The following R3HDM2 variants were observed in gnomAD, a reference collection of about 807,000 sequenced individuals.
R3HDM2 encodes R3H domain containing 2, also known as R3H domain-containing protein 2.
Under a neutral mutation model 124.5 loss-of-function variants are expected in R3HDM2, and 38 were observed. The observed-to-expected ratio is 0.31, with a 90% CI of 0.24 to 0.40. The LOEUF (loss-of-function observed/expected upper bound fraction) is 0.40. Among genes scored for constraint, R3HDM2 ranks in the 10% least tolerant of loss-of-function variants. The probability of loss-of-function intolerance (pLI) is 1.00; values close to 1 mark genes in which losing one functional copy is unlikely to be tolerated. For missense variants in R3HDM2, 869 were observed against 1,236.9 expected (o/e 0.70, Z 4.46); for synonymous variants, 391 against 448.0 (o/e 0.87, Z 1.61).
intron 2 of R3HDM2, among the ~76,000 whole-genome samples, chr12:57,389,234 C>G (rs182958061): frequency 7.9e-5 from 12 of 152,282 alleles, no homozygotes; most frequent in Non-Finnish European, 1.5e-4. Flanking sequence ...ACTGAGTAAC[C>G]ACTTGCAAAG....
At chr12:57,306,220 A>G (rs888971748) in intron 3 of R3HDM2, among the ~76,000 whole-genome samples, 2 of 152,230 alleles carry the variant, frequency 1.3e-5, no homozygotes, top group Non-Finnish European at 2.9e-5. Flanking sequence ...GCAAGAGACT[A>G]GGTCACAATA....
At chr12:57,386,673 C>A (rs1251158426) in intron 2 of R3HDM2, among the ~76,000 whole-genome samples, 1 of 152,256 alleles carries the variant, frequency 6.6e-6, no homozygotes, top group African/African-American at 2.4e-5. Flanking sequence ...GCAGGACTCG[C>A]AGGCAGCTCC....
chr12:57,329,594 G>A (rs887306100), intron 2 of R3HDM2, among the ~76,000 whole-genome samples: 2 of 152,134 alleles, frequency 1.3e-5, no homozygotes, highest in African/African-American at 2.4e-5. Flanking sequence ...TTTCCTTGCT[G>A]CTTACTGGTA....
intron 1 of R3HDM2, among the ~76,000 whole-genome samples, chr12:57,421,828 G>T (rs1461738515): frequency 6.6e-6 from 1 of 152,040 alleles, no homozygotes; most frequent in Non-Finnish European, 1.5e-5. Flanking sequence ...ATCTCATGGT[G>T]GCTCATGCCT....
intron 1 of R3HDM2, among the ~76,000 whole-genome samples, chr12:57,419,787 G>C (rs934361412): frequency 6.6e-6 from 1 of 151,872 alleles, no homozygotes; most frequent in Non-Finnish European, 1.5e-5. Flanking sequence ...CCAGGCTATT[G>C]TATCTGCTTG....
At chr12:57,270,318 G>A (rs971657914) in intron 14 of R3HDM2, among the ~76,000 whole-genome samples, 1 of 152,174 alleles carries the variant, frequency 6.6e-6, no homozygotes, top group Non-Finnish European at 1.5e-5. Flanking sequence ...CGCCTCCCAG[G>A]TTTAAGCAAT....
intron 1 of R3HDM2, among the ~76,000 whole-genome samples, chr12:57,412,026 T>C (rs1472070104): frequency 6.6e-6 from 1 of 152,200 alleles, no homozygotes; most frequent in Admixed American, 6.5e-5. Context: ...ATGCCTGCTT[T>C]TTCTTCCACC....
intron 2 of R3HDM2, among the ~76,000 whole-genome samples, chr12:57,334,838 C>T (rs2058657452): frequency 6.6e-6 from 1 of 151,896 alleles, no homozygotes; most frequent in Non-Finnish European, 1.5e-5. Context: ...GAGCTAAAGA[C>T]TTTAGTTTAG....
intron 2 of R3HDM2, among the ~76,000 whole-genome samples, chr12:57,322,875 C>T (rs1198030894): frequency 6.6e-6 from 1 of 152,054 alleles, no homozygotes; most frequent in African/African-American, 2.4e-5. Context: ...GGAAGGGTGC[C>T]TAGATCTGAG....
chr12:57,377,824 A>C (rs1488420133), intron 2 of R3HDM2, among the ~76,000 whole-genome samples: 4 of 152,144 alleles, frequency 2.6e-5, no homozygotes, highest in Non-Finnish European at 1.5e-5. Context: ...GCAGTGGCTC[A>C]CACCTGTAAT....
At chr12:57,299,298 T>A in intron 6 of R3HDM2, 54 bp downstream of exon 6, 3 of 1,492,414 alleles carry the variant, frequency 2.0e-6, no homozygotes, top group Non-Finnish European at 2.7e-6. Context: ...GGCTTCAGGA[T>A]AAAAGTAAAG....
intron 2 of R3HDM2, among the ~76,000 whole-genome samples, chr12:57,311,381 ACGCT>A (rs1480518484): frequency 8.1e-5 from 10 of 123,514 alleles, no homozygotes; most frequent in Non-Finnish European, 2.0e-4. Flanking sequence ...GCCCGCCACC[ACGCT>A]CAGCTAATTT....
chr12:57,299,463 G>A lies in R3HDM2; in HGVS notation c.310C>T (p.His104Tyr), dbSNP rs781001713. Residue 104 changes from histidine (H) to tyrosine (Y), a missense_variant, in exon 6 of 24, where the codon CAC becomes TAC. Physicochemically the swap from His to Tyr is moderately conservative, Grantham distance 83. Transcript: ENST00000402412. ...TCCTTGTCAGAAGGGCAACTGATGT[G>A]CAATTGAATTATATCCTTAAGGGGA... ...PLETQDIIQL[H>Y]ISCPSDKEEE... 2.5e-5 allele frequency: 38 copies of A among 1,546,442 alleles called. No homozygotes were observed. The South Asian group carries it at 4.4e-4, about 18-fold the overall frequency.
chr12:57,256,431 T>C lies in R3HDM2; in HGVS notation c.2530A>G (p.Thr844Ala), dbSNP rs142231354. 8.8e-6 allele frequency: 14 copies of C among 1,593,314 alleles called. No homozygotes were observed. Among genetic ancestry groups the C allele is most frequent in the African/African-American group, 4.0e-5 (3 of 74,506 alleles). Residue 844 changes from threonine to alanine, a missense_variant, in exon 22 of 24, where the codon ACT becomes GCT. Physicochemically the swap from Thr to Ala is moderately conservative, Grantham distance 58. Transcript: ENST00000402412. ...ACCCTTACCTGGTGCACCGTGTAAGTTGACTGGCCATGGAGCAAGGGAGGG... is the reference window on the plus strand; with the variant it reads ...ACCCTTACCTGGTGCACCGTGTAAGCTGACTGGCCATGGAGCAAGGGAGGG... Reference protein sequence around the residue: ...ICPPLLHGQSTYTVHQGQSGL... With the variant: ...ICPPLLHGQSAYTVHQGQSGL...
At chr12:57,297,491 G>A (rs923888547) in intron 7 of R3HDM2, 104 bp from the exon 8 acceptor site, 1 of 671,806 alleles carries the variant, frequency 1.5e-6, no homozygotes, top group Non-Finnish European at 2.5e-6. Flanking sequence ...TACAGAAGCT[G>A]AAAAAGGTAT....
intron 2 of R3HDM2, among the ~76,000 whole-genome samples, chr12:57,331,138 C>G (rs890328788): frequency 6.6e-6 from 1 of 152,138 alleles, no homozygotes; most frequent in Admixed American, 6.5e-5. Context: ...GGAATGACTG[C>G]AACATCCCTC....
intron 4 of R3HDM2, among the ~76,000 whole-genome samples, chr12:57,301,202 C>T (rs1026951703): frequency 6.6e-6 from 1 of 152,120 alleles, no homozygotes; most frequent in Admixed American, 6.5e-5. Context: ...CCTAATCTGC[C>T]CGCTTTACTT....
chr12:57,323,730 G>C (rs2056833576), intron 2 of R3HDM2, among the ~76,000 whole-genome samples: 2 of 152,148 alleles, frequency 1.3e-5, no homozygotes, highest in African/African-American at 4.8e-5. Context: ...TTTGATCAAT[G>C]GACTGAAGTG....
intron 19 of R3HDM2, among the ~76,000 whole-genome samples, chr12:57,263,868 C>T (rs2041537156): frequency 6.6e-6 from 1 of 152,070 alleles, no homozygotes; most frequent in African/African-American, 2.4e-5. Context: ...TAGTGACGTA[C>T]AAAAAATCTT....
Sources: gnomAD v4.1 joint callset for allele counts (sites outside exome capture counted in the v4.1 genomes callset) on GRCh38, gnomAD v4.1.1 for gene constraint, MANE v1.5 for transcripts, NCBI Gene and HGNC (gene_info 2026-07-23, HGNC 2026-07-21) for gene names.